The following TNFRSF10B variants were observed in gnomAD, a reference collection of about 807,000 sequenced individuals.
TNFRSF10B encodes the protein TNF receptor superfamily member 10b, also known as tumor necrosis factor receptor superfamily member 10B.
TNFRSF10B carries 35 observed loss-of-function variants against 41.4 expected under a neutral mutation model. The ratio of observed to expected loss-of-function variants is 0.85; its 90% CI spans 0.65 to 1.12. The LOEUF (loss-of-function observed/expected upper bound fraction) is 1.12, where lower values mean the gene tolerates loss of function less well. Ranked by LOEUF, TNFRSF10B falls within the 50% of genes most tolerant of loss-of-function variation. TNFRSF10B has a pLI of 0.00. For missense variants in TNFRSF10B, 584 were observed against 552.7 expected (o/e 1.06, Z -0.57); for synonymous variants, 230 against 215.5 (o/e 1.07, Z -0.59).
At chr8:23,050,021 G>T (rs143373617) in intron 1 of TNFRSF10B, 1 of 151,848 alleles carries the variant, frequency 6.6e-6, no homozygotes, top group Non-Finnish European at 1.5e-5. Context: ...GGCTGTTTAT[G>T]TGCAAATCTA....
At chr8:23,039,584 A>AAACAAC (rs566079185) in intron 2 of TNFRSF10B, among the ~76,000 whole-genome samples, 102 of 152,286 alleles carry the variant, frequency 6.7e-4, no homozygotes, top group African/African-American at 2.2e-3. Flanking sequence ...ACCAACAACA[A>AAACAAC]AACAACAACA....
In TNFRSF10B at chr8:23,020,231, C is replaced by T. The variant is rs1458012495; in HGVS notation, c.*2440G>A. 2.2e-6 allele frequency: 1 copy of T among 453,360 alleles called. No homozygotes were observed. Among genetic ancestry groups the T allele is most frequent in the African/African-American group, 2.0e-5 (1 of 50,090 alleles). 28.1% of individuals were successfully genotyped at this position (453,360 alleles called of 1,614,324 possible). On this transcript the variant is annotated 3_prime_UTR_variant, in exon 9 of 9. Transcript: ENST00000276431. ...TCCTTGTTTGTATTATAACACATTTCAAATAGGGACCTTTGACAGGGCAGA... is the reference window on the plus strand; with the variant it reads ...TCCTTGTTTGTATTATAACACATTTTAAATAGGGACCTTTGACAGGGCAGA...
intron 1 of TNFRSF10B, among the ~76,000 whole-genome samples, chr8:23,052,338 T>A (rs1205234956): frequency 6.9e-6 from 1 of 145,852 alleles, no homozygotes; most frequent in African/African-American, 2.6e-5. Flanking sequence ...CAGGCTGGAG[T>A]GCAGTGGCAC....
In TNFRSF10B at chr8:23,021,653, T is replaced by A. The variant is rs928438217; in HGVS notation, c.*1018A>T. Reference sequence around the variant, plus strand: ...GTAGGGACCAGCCACACACAGGACTTCACGTGGATCCAGTTCTCTTTGGTC... The same window carrying A: ...GTAGGGACCAGCCACACACAGGACTACACGTGGATCCAGTTCTCTTTGGTC... On this transcript the variant is annotated 3_prime_UTR_variant, in exon 9 of 9. Coordinates refer to ENST00000276431, the MANE Select transcript of TNFRSF10B (RefSeq NM_003842.5). 1 of 454,006 alleles carries A rather than the reference T, an allele frequency of 2.2e-6. No homozygotes were observed. Among genetic ancestry groups the A allele is most frequent in the Non-Finnish European group, 4.4e-6 (1 of 226,808 alleles). 28.1% of individuals were successfully genotyped at this position (454,006 alleles called of 1,614,324 possible). A position where few individuals can be genotyped will look rare whatever the true frequency, so the allele number is the denominator to read the frequency against.
At chr8:23,067,964 C>T (rs548141617) in intron 1 of TNFRSF10B, among the ~76,000 whole-genome samples, 15 of 152,336 alleles carry the variant, frequency 9.8e-5, no homozygotes, top group Middle Eastern at 3.4e-3. Flanking sequence ...CATGCTGTTC[C>T]CTACAAAGCC....
chr8:23,066,999 T>C (rs537480060), intron 1 of TNFRSF10B, among the ~76,000 whole-genome samples: 1 of 148,154 alleles, frequency 6.7e-6, no homozygotes, highest in African/African-American at 2.5e-5. Context: ...TTTTTTTGAG[T>C]TGGAGTCTTG....
intron 1 of TNFRSF10B, among the ~76,000 whole-genome samples, chr8:23,056,650 CAA>C (rs36035737): frequency 9.8e-5 from 12 of 122,710 alleles, no homozygotes; most frequent in Non-Finnish European, 1.0e-4. Context: ...GACTCCATCT[CAA>C]AAAAAAAAAA....
intron 1 of TNFRSF10B, among the ~76,000 whole-genome samples, chr8:23,051,694 G>A (rs13280226): frequency 0.23 from 34,630 of 151,786 alleles, 4,200 homozygotes; most frequent in Non-Finnish European, 0.25. Flanking sequence ...ACAGTCGCCC[G>A]CCACCGCGCC....
intron 7 of TNFRSF10B, among the ~76,000 whole-genome samples, chr8:23,025,541 G>C (rs1180638268): frequency 6.6e-6 from 1 of 152,190 alleles, no homozygotes; most frequent in South Asian, 2.1e-4. Context: ...ATATTAGACA[G>C]TTTTGTTTGG....
In TNFRSF10B at chr8:23,022,147, C is replaced by T. The variant is rs1362688517; in HGVS notation, c.*524G>A. 4.5e-6 allele frequency: 2 copies of T among 446,440 alleles called. No homozygotes were observed. Among genetic ancestry groups the T allele is most frequent in the South Asian group, 3.2e-5 (2 of 63,262 alleles). The allele number at this position is 446,440 out of a possible 1,614,324, so 27.7% of individuals were successfully genotyped here. On this transcript the variant is annotated 3_prime_UTR_variant, in exon 9 of 9. Transcript: ENST00000276431. ...TGGTGGTGCACACCTGTGGTCCCAGCTATTTGGATGGCTGAGGTGGGAGAA... is the reference window on the plus strand; with the variant it reads ...TGGTGGTGCACACCTGTGGTCCCAGTTATTTGGATGGCTGAGGTGGGAGAA...
intron 2 of TNFRSF10B, among the ~76,000 whole-genome samples, chr8:23,038,299 T>C (rs974287711): frequency 1.3e-5 from 2 of 152,190 alleles, no homozygotes; most frequent in African/African-American, 4.8e-5. Flanking sequence ...TAAAGGTTAG[T>C]TCACTCTACC....
At chr8:23,031,024 T>C in intron 2 of TNFRSF10B, 152 bp from the exon 3 acceptor site, 1 of 670,280 alleles carries the variant, frequency 1.5e-6, no homozygotes. Context: ...ATTCTGCATT[T>C]ACACACCTTA....
chr8:23,028,473 T>A lies in TNFRSF10B; in HGVS notation c.606A>T (p.Pro202=), dbSNP rs1358504536. Residue 202 remains proline, a synonymous_variant, in exon 5 of 9, where the codon CCA becomes CCT. Transcript: ENST00000276431. ...PAVEETVTSS[P]GTPASPCSLS... ...GAGAACAGGGAGAGGCAGGAGTCCC[T>A]GGGCTGGAGGTCACCGTCTCCTCCA... 5 of 1,614,024 alleles carry A rather than the reference T, an allele frequency of 3.1e-6. No homozygotes were observed. The highest frequency in any genetic ancestry group is 4.2e-6 in the Non-Finnish European group (5 of 1,179,990).
intron 2 of TNFRSF10B, among the ~76,000 whole-genome samples, chr8:23,041,600 A>AT (rs941011887): frequency 1.5e-5 from 2 of 133,120 alleles, no homozygotes; most frequent in African/African-American, 2.9e-5. Context: ...TGACTCAATG[A>AT]TTTAAAAAAA....
At chr8:23,030,950 T>A in intron 2 of TNFRSF10B, 78 bp from the exon 3 acceptor site, 10 of 999,288 alleles carry the variant, frequency 1.0e-5, no homozygotes, top group Non-Finnish European at 1.5e-5. Flanking sequence ...GGGGGACTCC[T>A]CTTTCAGGGA....
rs1307561882 is a variant in TNFRSF10B at position 23,021,460 on chromosome 8, A to G, written c.*1211T>C. ...CCATCTACTCTTCCCCCTTGATGCC[A>G]TGGCAGACGTGGGAGACAGATTTTG... On this transcript the variant is annotated 3_prime_UTR_variant, in exon 9 of 9. Coordinates refer to ENST00000276431, the MANE Select transcript of TNFRSF10B (RefSeq NM_003842.5). 4.4e-6 allele frequency: 2 copies of G among 454,120 alleles called. No homozygotes were observed. Among genetic ancestry groups the G allele is most frequent in the Admixed American group, 2.3e-5 (1 of 42,572 alleles). The allele number at this position is 454,120 out of a possible 1,614,324, so 28.1% of individuals were successfully genotyped here.
chr8:23,050,573 G>A (rs941658604), intron 1 of TNFRSF10B, among the ~76,000 whole-genome samples: 2 of 151,976 alleles, frequency 1.3e-5, no homozygotes, highest in Admixed American at 1.3e-4. Flanking sequence ...TTTCTTCTCA[G>A]TTGACTGAAT....
In TNFRSF10B at chr8:23,022,285, C is replaced by A. The variant is rs1011802669; in HGVS notation, c.*386G>T. The A allele has an allele frequency of 6.6e-6, 3 of 455,612 alleles. No individual in the cohort carries two copies. The highest frequency in any genetic ancestry group is 6.0e-5 in the African/African-American group (3 of 50,020). 28.2% of individuals were successfully genotyped at this position (455,612 alleles called of 1,614,324 possible). On this transcript the variant is annotated 3_prime_UTR_variant, in exon 9 of 9. Transcript: ENST00000276431. ...CCCCCCACCCAAAAAAGGTTCATAT[C>A]ATATAGTATCAAGTGAAGTCGGACA...
intron 4 of TNFRSF10B, among the ~76,000 whole-genome samples, chr8:23,029,176 C>A (rs1372600201): frequency 6.6e-6 from 1 of 152,136 alleles, no homozygotes; most frequent in Non-Finnish European, 1.5e-5. Context: ...CACCCATGGC[C>A]TTATTATGCC....
Sources: allele counts gnomAD v4.1 joint callset (sites outside exome capture counted in the v4.1 genomes callset), GRCh38; gene constraint gnomAD v4.1.1; transcripts MANE v1.5; gene names NCBI Gene and HGNC (gene_info 2026-07-23, HGNC 2026-07-21).